Variants in LIMK1 observed in about 807,000 individuals in gnomAD.
The protein encoded by LIMK1 is LIM domain kinase 1.
Under a neutral mutation model 77.6 loss-of-function variants are expected in LIMK1, and 21 were observed. That is an observed-to-expected ratio of 0.27 (90% CI 0.19 to 0.39). The LOEUF (loss-of-function observed/expected upper bound fraction) is 0.39. LIMK1 is among the 10% of genes least tolerant of loss of function. The probability of loss-of-function intolerance (pLI) is 1.00; values close to 1 mark genes in which losing one functional copy is unlikely to be tolerated. For missense variants in LIMK1, 696 were observed against 901.6 expected, an observed-to-expected ratio of 0.77 and a Z score of 2.92; for synonymous variants, 358 against 370.0, an observed-to-expected ratio of 0.97 and a Z score of 0.37.
Position 74,115,851 on chromosome 7 carries a change from A to G in LIMK1, c.1460A>G (p.Asp487Gly). ...ADFGLARLMV[D>G]EKTQPEGLRS... ...TTCGGGCTGGCGCGTCTCATGGTGGACGAGAAGACTCAGCCTGAGGGCCTG... is the reference window on the plus strand; with the variant it reads ...TTCGGGCTGGCGCGTCTCATGGTGGGCGAGAAGACTCAGCCTGAGGGCCTG... The change falls in exon 13 of 16, where the codon GAC becomes GGC. Residue 487 changes from aspartate to glycine, a missense_variant. This residue lies in a region of LIMK1 where 438 missense variants were observed against 602.3 expected (regional missense o/e 0.73). Transcript: ENST00000336180. The G allele has an allele frequency of 1.2e-6, 2 of 1,614,134 alleles. No homozygotes were observed. The highest frequency in any genetic ancestry group is 1.7e-6 in the Non-Finnish European group (2 of 1,180,022).
chr7:74,108,022 A>G (rs782404609), intron 9 of LIMK1, 65 bp downstream of exon 9: 18 of 1,223,768 alleles, frequency 1.5e-5, no homozygotes, highest in Non-Finnish European at 2.0e-5. Flanking sequence ...TGCCCCATCA[A>G]CACAGGTCGG....
Position 74,106,190 on chromosome 7 carries a change from G to A in LIMK1, c.828G>A (p.Pro276=), listed in dbSNP as rs546480072. ...CTGAGACCAGCCCCCTGAGCTCTCC[G>A]GCTTATACTCCCAGCGGGGAGGCGG... ...LGPETSPLSS[P]AYTPSGEAGS... The change falls in exon 7 of 16, where the codon CCG becomes CCA. Residue 276 remains proline (P), a synonymous_variant. Coordinates refer to ENST00000336180, the MANE Select transcript of LIMK1 (RefSeq NM_002314.4). The A allele has an allele frequency of 3.9e-5, 63 of 1,613,802 alleles. No individual in the cohort carries two copies. The highest frequency in any genetic ancestry group is 5.2e-5 in the Non-Finnish European group (61 of 1,180,030).
intron 9 of LIMK1, among the ~76,000 whole-genome samples, chr7:74,108,661 A>C (rs1188106482): frequency 6.6e-6 from 1 of 150,724 alleles, no homozygotes; most frequent in Non-Finnish European, 1.5e-5. Flanking sequence ...AAAAAAAAAA[A>C]GAAAAGAAAA....
chr7:74,118,648 G>A (rs1799870060), intron 13 of LIMK1, among the ~76,000 whole-genome samples: 1 of 151,586 alleles, frequency 6.6e-6, no homozygotes, highest in African/African-American at 2.4e-5. Context: ...TACTCAGGAG[G>A]CTGAGGCAGG....
rs1175309975 is a variant in LIMK1 at position 74,121,438 on chromosome 7, C to G, written c.*137C>G. Reference sequence around the variant, plus strand: ...AGAGCCAGGCCCTGACTTGCCTTCTCCCACCCCGTGGACCGCTTCCCCTGC... The same window carrying G: ...AGAGCCAGGCCCTGACTTGCCTTCTGCCACCCCGTGGACCGCTTCCCCTGC... On this transcript the variant is annotated 3_prime_UTR_variant, in exon 16 of 16. Coordinates refer to ENST00000336180, the MANE Select transcript of LIMK1 (RefSeq NM_002314.4). 14 of 900,318 alleles carry G rather than the reference C, an allele frequency of 1.6e-5. No individual in the cohort carries two copies. Among genetic ancestry groups the G allele is most frequent in the Non-Finnish European group, 2.1e-5 (13 of 614,110 alleles). 55.8% of individuals were successfully genotyped at this position (900,318 alleles called of 1,614,324 possible).
intron 5 of LIMK1, among the ~76,000 whole-genome samples, chr7:74,101,432 C>T (rs62476415): frequency 1.3e-5 from 2 of 152,106 alleles, no homozygotes; most frequent in Non-Finnish European, 2.9e-5. Context: ...TGCTTGAGCC[C>T]AGGAGGTGGA....
In LIMK1 at chr7:74,106,314, A is replaced by C. The variant is rs1479907124; in HGVS notation, c.881+71A>C. ...CTGGGGCTCAGGGGCTGTGGGACCT[A>C]GGTCGGGGAGCCAGCCCTGCACAAA... On this transcript the variant is annotated intron_variant, in intron 7 of 15. Coordinates refer to ENST00000336180, the MANE Select transcript of LIMK1 (RefSeq NM_002314.4). 48 of 1,515,620 alleles carry C rather than the reference A, an allele frequency of 3.2e-5. No individual in the cohort carries two copies. In the East Asian group the frequency reaches 6.6e-4, roughly 21 times the overall value. 93.9% of individuals were successfully genotyped at this position (1,515,620 alleles called of 1,614,324 possible). A position where few individuals can be genotyped will look rare whatever the true frequency, so the allele number is the denominator to read the frequency against.
intron 13 of LIMK1, among the ~76,000 whole-genome samples, chr7:74,120,050 C>A (rs1191223422): frequency 2.6e-5 from 4 of 152,130 alleles, no homozygotes; most frequent in African/African-American, 9.6e-5. Context: ...GTTTTGCATT[C>A]CTGGGCTTGT....
intron 4 of LIMK1, among the ~76,000 whole-genome samples, chr7:74,097,902 C>T (rs1799368744): frequency 6.6e-6 from 1 of 152,168 alleles, no homozygotes; most frequent in Non-Finnish European, 1.5e-5. Context: ...CAAGTTTGAT[C>T]GTTTGCTAAC....
chr7:74,084,184 G>C (rs1203113990), intron 1 of LIMK1, 139 bp downstream of exon 1: 2 of 338,488 alleles, frequency 5.9e-6, no homozygotes, highest in African/African-American at 4.4e-5. Flanking sequence ...AAGCCCGCAG[G>C]CCCCTCCCTG....
intron 4 of LIMK1, 149 bp downstream of exon 4, chr7:74,097,338 G>T: frequency 1.9e-6 from 1 of 536,106 alleles, no homozygotes; most frequent in Non-Finnish European, 3.3e-6. Context: ...TTCCCATCCC[G>T]GCATGGAAAC....
In LIMK1 at chr7:74,105,884, G is replaced by A. The variant is rs374968465; in HGVS notation, c.618G>A (p.Pro206=). Residue 206 remains proline, a synonymous_variant, in exon 6 of 16, where the codon CCG becomes CCA. Coordinates refer to ENST00000336180, the MANE Select transcript of LIMK1 (RefSeq NM_002314.4). ...SHTVRVQGVD[P]GCMSPDVKNS... ...CCTGCCTTACCCACAGAGTGGATCC[G>A]GGCTGCATGAGCCCAGATGTGAAGA... The A allele has an allele frequency of 1.4e-5, 22 of 1,613,532 alleles. No individual in the cohort carries two copies. Among genetic ancestry groups the A allele is most frequent in the East Asian group, 4.5e-5 (2 of 44,868 alleles).
intron 2 of LIMK1, 120 bp downstream of exon 2, chr7:74,085,964 C>A (rs1427409749): frequency 2.9e-6 from 2 of 689,138 alleles, no homozygotes; most frequent in African/African-American, 1.8e-5. Context: ...ATTGTGACTT[C>A]GTGGCCTTAA....
rs1554699398 is a variant in LIMK1 at position 74,115,978 on chromosome 7, C to T, written c.1567+20C>T. 6.2e-7 allele frequency: 1 copy of T among 1,603,228 alleles called. No homozygotes were observed. Among genetic ancestry groups the T allele is most frequent in the Non-Finnish European group, 8.5e-7 (1 of 1,171,538 alleles). On this transcript the variant is annotated intron_variant, in intron 13 of 15. Coordinates refer to ENST00000336180, the MANE Select transcript of LIMK1 (RefSeq NM_002314.4). The stretch of plus-strand genomic sequence containing the variant: ...TCAACGGTGAGTGGTTCAGCCCTGC[C>T]CATCATGGCCCTCACGGGAAGCCAT...
intron 5 of LIMK1, among the ~76,000 whole-genome samples, chr7:74,104,594 C>T (rs1799528749): frequency 6.6e-6 from 1 of 151,486 alleles, no homozygotes; most frequent in Non-Finnish European, 1.5e-5. Context: ...CATTGCACTC[C>T]AGCCTGGGCA....
intron 2 of LIMK1, among the ~76,000 whole-genome samples, chr7:74,095,260 A>G (rs879974102): frequency 6.6e-6 from 1 of 151,982 alleles, no homozygotes; most frequent in Admixed American, 6.5e-5. Context: ...TGTGTGACCG[A>G]CACATAGCAC....
In LIMK1 at chr7:74,120,600, A is replaced by G. The variant is rs1402129678; in HGVS notation, c.1585A>G (p.Lys529Glu). The part of the protein sequence containing the change: ...EMINGRSYDE[K>E]VDVFSFGIVL... ...TTATCCAGGCCGCAGCTATGATGAG[A>G]AGGTGGATGTGTTCTCCTTTGGGAT... The change falls in exon 14 of 16, where the codon AAG (lysine) becomes GAG (glutamate). Residue 529 changes from lysine to glutamate, a missense_variant. By Grantham distance (56) the Lys-to-Glu change is moderately conservative. Transcript: ENST00000336180. 6.2e-7 allele frequency: 1 copy of G among 1,614,052 alleles called. No individual in the cohort carries two copies. The highest frequency in any genetic ancestry group is 8.5e-7 in the Non-Finnish European group (1 of 1,180,034).
At chr7:74,106,344 G>A in intron 7 of LIMK1, 101 bp downstream of exon 7, 2 of 1,367,100 alleles carry the variant, frequency 1.5e-6, no homozygotes, top group Non-Finnish European at 2.0e-6. Context: ...CACAAATGCA[G>A]CCCAGGCTTG....
chr7:74,096,619 C>T lies in LIMK1; in HGVS notation c.153-3C>T, dbSNP rs1563914666. The T allele has an allele frequency of 3.7e-6, 6 of 1,613,988 alleles. No individual in the cohort carries two copies. Among genetic ancestry groups the T allele is most frequent in the Non-Finnish European group, 5.1e-6 (6 of 1,180,016 alleles). On this transcript the variant is annotated splice_region_variant and splice_polypyrimidine_tract_variant and intron_variant, in intron 2 of 15. Transcript: ENST00000336180. ...ACGTCTCAGCCCGGCCCCTCTCCTG[C>T]AGGTGTTGTGACTGCAGTGCCTCCC...
Sources: allele counts gnomAD v4.1 joint callset (sites outside exome capture counted in the v4.1 genomes callset), GRCh38; gene constraint gnomAD v4.1.1; regional missense constraint gnomAD v4.1.1; transcripts MANE v1.5; gene names NCBI Gene and HGNC (gene_info 2026-07-23, HGNC 2026-07-21).